SIPA1L1: variants seen among roughly 807,000 people sequenced by gnomAD.
The protein encoded by SIPA1L1 is signal-induced proliferation-associated 1-like protein 1.
Under a neutral mutation model 162.7 loss-of-function variants are expected in SIPA1L1, and 26 were observed. The observed-to-expected ratio is 0.16, with a 90% CI of 0.12 to 0.22. The LOEUF (loss-of-function observed/expected upper bound fraction) is 0.22. SIPA1L1 is among the 10% of genes least tolerant of loss of function. SIPA1L1 has a pLI of 1.00. For missense variants in SIPA1L1, 1,874 were observed against 2,241.0 expected (o/e 0.84, Z 3.31); for synonymous variants, 829 against 837.4 (o/e 0.99, Z 0.17).
chr14:71,698,236 G>A (rs74492320), intron 13 of SIPA1L1, among the ~76,000 whole-genome samples: 8 of 152,180 alleles, frequency 5.3e-5, no homozygotes, highest in Non-Finnish European at 1.2e-4. Context: ...GCCTACTAGA[G>A]TAGAGGAGGT....
chr14:71,621,308 C>A (rs1180429571), intron 6 of SIPA1L1, among the ~76,000 whole-genome samples: 1 of 152,240 alleles, frequency 6.6e-6, no homozygotes, highest in African/African-American at 2.4e-5. Context: ...GAAACAGCCA[C>A]TGTCTTTGCT....
At chr14:71,632,115 T>C (rs948559285) in intron 7 of SIPA1L1, among the ~76,000 whole-genome samples, 1 of 152,198 alleles carries the variant, frequency 6.6e-6, no homozygotes, top group African/African-American at 2.4e-5. Context: ...ATGGAGTAGA[T>C]GTATTTCTCT....
intron 5 of SIPA1L1, among the ~76,000 whole-genome samples, chr14:71,608,830 G>A (rs1350820912): frequency 6.6e-6 from 1 of 152,150 alleles, no homozygotes; most frequent in Non-Finnish European, 1.5e-5. Context: ...GGGAGTTGGA[G>A]GTTGCAGTGA....
At chr14:71,586,212 G>T (rs1183869959) in intron 4 of SIPA1L1, 2 of 151,408 alleles carry the variant, frequency 1.3e-5, no homozygotes, top group Admixed American at 1.3e-4. Flanking sequence ...CCTGCATTCT[G>T]CAGGCAGCAT....
chr14:71,719,982 GTAAGGTTTC>G (rs2083575040), intron 17 of SIPA1L1, among the ~76,000 whole-genome samples: 1 of 152,174 alleles, frequency 6.6e-6, no homozygotes, highest in Admixed American at 6.5e-5. Flanking sequence ...CTGTGGGCCT[GTAAGGTTTC>G]CACCAGGAAG....
rs759806154 is a variant in SIPA1L1 at position 71,702,457 on chromosome 14, T to C, written c.3598T>C (p.Ser1200Pro). 2 of 1,614,124 alleles carry C rather than the reference T, an allele frequency of 1.2e-6. No individual in the cohort carries two copies. Among genetic ancestry groups the C allele is most frequent in the South Asian group, 1.1e-5 (1 of 91,080 alleles). Residue 1200 changes from serine (S) to proline (P), a missense_variant, in exon 15 of 24, where the codon TCC (serine) becomes CCC (proline). Around this residue, in one of 5 missense-constraint regions of SIPA1L1, gnomAD observed 936 missense variants for 1,051.9 expected, o/e 0.89. Coordinates refer to ENST00000381232, the MANE Select transcript of SIPA1L1 (RefSeq NM_001386936.1). ...GTCAGATATTGGTGGCAGCGGAAAA[T>C]CCACGCCTAGCTGGCAAAGAAGTGA... ...TQSDIGGSGK[S>P]TPSWQRSEDS...
At chr14:71,726,742 C>T (rs1195403417) in intron 19 of SIPA1L1, among the ~76,000 whole-genome samples, 1 of 152,226 alleles carries the variant, frequency 6.6e-6, no homozygotes, top group African/African-American at 2.4e-5. Context: ...GGTTTTCTCT[C>T]TCCAGTTTCA....
At chr14:71,589,975 G>T (rs1251749091) in intron 5 of SIPA1L1, among the ~76,000 whole-genome samples, 3 of 135,706 alleles carry the variant, frequency 2.2e-5, no homozygotes, top group African/African-American at 8.3e-5. Flanking sequence ...AAGTACCTTT[G>T]ACATAAGGGC....
Position 71,441,280 on chromosome 14 carries a change from G to C in SIPA1L1, c.-464-71463G>C, listed in dbSNP as rs1381430883. ...GTTTCTGATCCAAAGTCTTGCAGAG[G>C]GAGATTTTCCCTTGGAGCATAGGCT... On this transcript the variant is annotated intron_variant, in intron 2 of 23. Transcript: ENST00000381232. Among the ~76,000 whole-genome samples, 4 of 152,278 alleles carry C rather than the reference G, an allele frequency of 2.6e-5. No individual in the cohort carries two copies. In the South Asian group the frequency reaches 8.3e-4, roughly 32 times the overall value.
chr14:71,604,020 A>G (rs1266498859), intron 5 of SIPA1L1, among the ~76,000 whole-genome samples: 18 of 139,170 alleles, frequency 1.3e-4, no homozygotes, highest in Admixed American at 1.3e-3. Context: ...TTTTTGAGAC[A>G]AAGTTTTGCT....
At chr14:71,494,593 C>T (rs1449912566) in intron 2 of SIPA1L1, among the ~76,000 whole-genome samples, 1 of 145,618 alleles carries the variant, frequency 6.9e-6, no homozygotes, top group Non-Finnish European at 1.5e-5. Flanking sequence ...GTGATATGAT[C>T]TTGGCTTATT....
At chr14:71,476,541 A>G (rs1352886877) in intron 2 of SIPA1L1, among the ~76,000 whole-genome samples, 2 of 152,176 alleles carry the variant, frequency 1.3e-5, no homozygotes, top group Admixed American at 6.5e-5. Context: ...TTTCAGTACC[A>G]TATTTATGTA....
chr14:71,566,243 T>C (rs567196043), intron 4 of SIPA1L1, among the ~76,000 whole-genome samples: 1 of 152,296 alleles, frequency 6.6e-6, no homozygotes, highest in African/African-American at 2.4e-5. Context: ...GCAGAAGATA[T>C]GTAATGGCCT....
In SIPA1L1 at chr14:71,543,998, CACGCACATGTATATATACACAT is replaced by C. The variant is rs1567179603; in HGVS notation, c.-303+14641_-303+14662del. On this transcript the variant is annotated intron_variant, in intron 4 of 23. Coordinates refer to ENST00000381232, the MANE Select transcript of SIPA1L1 (RefSeq NM_001386936.1). ...ACACACGCACATGTATATATACACACACGCACATGTATATATACACATACGCACATGTATGTATATACACACG... is the reference window on the plus strand; with the variant it reads ...ACACACGCACATGTATATATACACACACGCACATGTATGTATATACACACG... Among the ~76,000 whole-genome samples, 1,151 of 149,220 alleles carry C rather than the reference CACGCACATGTATATATACACAT, an allele frequency of 7.7e-3. 17 individuals carry two copies. Among genetic ancestry groups the C allele is most frequent in the African/African-American group, 0.026 (1,063 of 40,216 alleles).
chr14:71,425,092 CAGT>C (rs1354515069), intron 2 of SIPA1L1, among the ~76,000 whole-genome samples: 1 of 151,994 alleles, frequency 6.6e-6, no homozygotes, highest in Non-Finnish European at 1.5e-5. Context: ...TCTGTAGAAT[CAGT>C]AGTAATGTCC....
At chr14:71,334,452 A>G (rs2034878743) in intron 2 of SIPA1L1, among the ~76,000 whole-genome samples, 1 of 152,074 alleles carries the variant, frequency 6.6e-6, no homozygotes, top group Non-Finnish European at 1.5e-5. Flanking sequence ...CCCTCCTGCA[A>G]TTCCTGGGCA....
At chr14:71,360,377 T>A (rs972866406) in intron 2 of SIPA1L1, among the ~76,000 whole-genome samples, 1 of 152,234 alleles carries the variant, frequency 6.6e-6, no homozygotes, top group African/African-American at 2.4e-5. Context: ...ATATGCCAAC[T>A]TTTTATATGA....
intron 13 of SIPA1L1, 107 bp from the exon 14 acceptor site, chr14:71,698,874 C>A: frequency 9.4e-7 from 1 of 1,059,612 alleles, no homozygotes; most frequent in Non-Finnish European, 1.3e-6. Flanking sequence ...TCACTATCTC[C>A]ATGAAGTCAC....
chr14:71,546,042 C>T (rs1447204048), intron 4 of SIPA1L1, among the ~76,000 whole-genome samples: 1 of 152,004 alleles, frequency 6.6e-6, no homozygotes, highest in African/African-American at 2.4e-5. Flanking sequence ...GGGATTGTCC[C>T]ACTGCACTCC....
Sources: allele counts gnomAD v4.1 joint callset (sites outside exome capture counted in the v4.1 genomes callset), GRCh38; gene constraint gnomAD v4.1.1; regional missense constraint gnomAD v4.1.1; transcripts MANE v1.5; gene names NCBI Gene and HGNC (gene_info 2026-07-23, HGNC 2026-07-21).